Variants in CHST9 observed in about 807,000 individuals in gnomAD.
The protein encoded by CHST9 is GalNAc-4-sulfotransferase 2.
CHST9 carries 41 observed loss-of-function variants against 44.4 expected under a neutral mutation model. The observed-to-expected ratio is 0.92, with a 90% confidence interval of 0.72 to 1.20. The LOEUF (loss-of-function observed/expected upper bound fraction) is 1.20. CHST9 is among the 50% of genes most tolerant of loss of function. The pLI, the probability that CHST9 is intolerant of heterozygous loss-of-function variation, is 0.00. For missense variants in CHST9, 504 were observed against 516.5 expected, an observed-to-expected ratio of 0.98 and a Z score of 0.23; for synonymous variants, 171 against 178.4, an observed-to-expected ratio of 0.96 and a Z score of 0.33.
At chr18:26,997,256 A>G (rs1154210) in intron 4 of CHST9, among the ~76,000 whole-genome samples, 97,594 of 152,136 alleles carry the variant, frequency 0.64, 31,715 homozygotes, top group East Asian at 0.73. Context: ...GTAATTCTCC[A>G]GCATATAACT....
intron 2 of CHST9, among the ~76,000 whole-genome samples, chr18:27,085,064 T>C (rs1179738550): frequency 6.6e-6 from 1 of 152,110 alleles, no homozygotes; most frequent in Non-Finnish European, 1.5e-5. Context: ...TGGACAAGCA[T>C]GTGGTCAGTT....
At chr18:26,922,556 T>TA (rs772492395) in intron 5 of CHST9, among the ~76,000 whole-genome samples, 11 of 151,950 alleles carry the variant, frequency 7.2e-5, no homozygotes. Context: ...AATGAGTATC[T>TA]AAAAAAAATA....
intron 4 of CHST9, among the ~76,000 whole-genome samples, chr18:26,949,071 G>A (rs1303652267): frequency 6.6e-6 from 1 of 152,160 alleles, no homozygotes; most frequent in Non-Finnish European, 1.5e-5. Flanking sequence ...GGCCAAAGCA[G>A]TTCTTGAGAA....
chr18:26,996,632 A>C (rs1338252515), intron 4 of CHST9, among the ~76,000 whole-genome samples: 1 of 152,180 alleles, frequency 6.6e-6, no homozygotes, highest in Non-Finnish European at 1.5e-5. Context: ...GCCCCAAAGG[A>C]TGTTAGAGAA....
At chr18:27,005,299 T>C (rs1353923521) in intron 4 of CHST9, among the ~76,000 whole-genome samples, 1 of 152,206 alleles carries the variant, frequency 6.6e-6, no homozygotes, top group African/African-American at 2.4e-5. Context: ...TCTGCATATA[T>C]TTAGGACTTA....
chr18:26,909,874 T>A lies in CHST9; in HGVS notation c.*6385A>T, dbSNP rs1384324667. The A allele has an allele frequency of 2.6e-5, 4 of 152,080 alleles. No individual in the cohort carries two copies. Among genetic ancestry groups the A allele is most frequent in the Non-Finnish European group, 5.9e-5 (4 of 68,036 alleles). 9.4% of individuals were successfully genotyped at this position (152,080 alleles called of 1,614,324 possible). ...TAGAATGTTACAGGGGGTGCTACAATCACCCAGATAATAGCAGGAAGTAGG... is the reference window on the plus strand; with the variant it reads ...TAGAATGTTACAGGGGGTGCTACAAACACCCAGATAATAGCAGGAAGTAGG... On this transcript the variant is annotated 3_prime_UTR_variant, in exon 6 of 6. Transcript: ENST00000618847.
At chr18:27,051,686 T>C (rs1475814123) in intron 2 of CHST9, among the ~76,000 whole-genome samples, 1 of 152,190 alleles carries the variant, frequency 6.6e-6, no homozygotes, top group Non-Finnish European at 1.5e-5. Context: ...ATGTTGACTG[T>C]AATTTTGAGA....
At chr18:27,150,618 T>A (rs938451593) in intron 1 of CHST9, among the ~76,000 whole-genome samples, 1 of 152,238 alleles carries the variant, frequency 6.6e-6, no homozygotes, top group Non-Finnish European at 1.5e-5. Context: ...GGTTATGTCT[T>A]CCTGTTTTTT....
At chr18:27,042,513 C>CGGAA (rs2057456554) in intron 3 of CHST9, among the ~76,000 whole-genome samples, 1 of 152,034 alleles carries the variant, frequency 6.6e-6, no homozygotes, top group Admixed American at 6.6e-5. Flanking sequence ...GACAGCTTTC[C>CGGAA]AGATATTATA....
chr18:27,053,275 A>AAGAAGAAGAAGAG lies in CHST9; in HGVS notation c.122-4773_122-4772insCTCTTCTTCTTCT, dbSNP rs1568151279. Among the ~76,000 whole-genome samples the AAGAAGAAGAAGAG allele has an allele frequency of 1.4e-4, 18 of 125,666 alleles. 1 individual carries two copies. Among genetic ancestry groups the AAGAAGAAGAAGAG allele is most frequent in the African/African-American group, 5.6e-4 (18 of 32,280 alleles). 82.4% of individuals were successfully genotyped at this position (125,666 alleles called of 152,430 possible). A position where few individuals can be genotyped will look rare whatever the true frequency, so the allele number is the denominator to read the frequency against. On this transcript the variant is annotated intron_variant, in intron 2 of 5. Transcript: ENST00000618847. Reference sequence around the variant, plus strand: ...AAGAAGAAGAAGGAGAAGGAGAAGGAGAAGGAGAAGGAGAAGGAGAAGGAG... The same window carrying AAGAAGAAGAAGAG: ...AAGAAGAAGAAGGAGAAGGAGAAGGAAGAAGAAGAAGAGGAAGGAGAAGGAGAAGGAGAAGGAG...
chr18:26,953,405 G>A (rs1000474871), intron 4 of CHST9, among the ~76,000 whole-genome samples: 2 of 152,092 alleles, frequency 1.3e-5, no homozygotes, highest in African/African-American at 4.8e-5. Context: ...GACAATTTGG[G>A]GGGCAATTAT....
At position 27,129,109 on chromosome 18, in the gene CHST9, T is replaced by C. The variant is rs2058450363; in HGVS notation, c.121+13580A>G. ...ATAGTAGAGGAAAGTGAATTAATTT[T>C]GTCTGTTGGATTAGCACACACACAC... On this transcript the variant is annotated intron_variant, in intron 2 of 5. Coordinates refer to ENST00000618847, the MANE Select transcript of CHST9 (RefSeq NM_031422.6). Among the ~76,000 whole-genome samples the C allele has an allele frequency of 2.0e-5, 3 of 151,374 alleles. No individual in the cohort carries two copies. The South Asian group carries it at 6.2e-4, about 31-fold the overall frequency.
At chr18:27,068,120 C>A (rs1317403143) in intron 2 of CHST9, among the ~76,000 whole-genome samples, 2 of 151,864 alleles carry the variant, frequency 1.3e-5, no homozygotes, top group Non-Finnish European at 2.9e-5. Context: ...TACAGATACT[C>A]GAGTGGGAAT....
intron 4 of CHST9, among the ~76,000 whole-genome samples, chr18:27,000,178 T>A (rs2056932430): frequency 6.6e-6 from 1 of 152,134 alleles, no homozygotes; most frequent in South Asian, 2.1e-4. Context: ...TCCACCCCGG[T>A]TTTCAAAGTT....
intron 4 of CHST9, among the ~76,000 whole-genome samples, chr18:27,016,413 C>G (rs193132328): frequency 6.6e-6 from 1 of 152,314 alleles, no homozygotes; most frequent in East Asian, 1.9e-4. Flanking sequence ...CTGGATCCCC[C>G]TTGATCCAAG....
At chr18:27,136,527 G>A (rs753729767) in intron 2 of CHST9, among the ~76,000 whole-genome samples, 3 of 152,130 alleles carry the variant, frequency 2.0e-5, no homozygotes, top group Non-Finnish European at 2.9e-5. Context: ...AGAATGAGGC[G>A]GCTTGAATCA....
At chr18:26,964,796 G>A (rs1762134665) in intron 4 of CHST9, among the ~76,000 whole-genome samples, 2 of 152,324 alleles carry the variant, frequency 1.3e-5, no homozygotes, top group Middle Eastern at 3.4e-3. Context: ...TCCAGAACAA[G>A]ACTAAAGGAA....
chr18:27,031,990 T>G (rs1402284735), intron 3 of CHST9, among the ~76,000 whole-genome samples: 1 of 152,034 alleles, frequency 6.6e-6, no homozygotes, highest in Non-Finnish European at 1.5e-5. Flanking sequence ...GTCCCTACTT[T>G]AGAGGAGCAA....
intron 5 of CHST9, among the ~76,000 whole-genome samples, chr18:26,939,609 T>C (rs1283979559): frequency 6.6e-6 from 1 of 152,200 alleles, no homozygotes; most frequent in Non-Finnish European, 1.5e-5. Flanking sequence ...TAAAGGAAGC[T>C]GCACCCAAGA....
Sources: gnomAD v4.1 joint callset for allele counts (sites outside exome capture counted in the v4.1 genomes callset) on GRCh38, gnomAD v4.1.1 for gene constraint, MANE v1.5 for transcripts, NCBI Gene and HGNC (gene_info 2026-07-23, HGNC 2026-07-21) for gene names.